Variants in KCTD16 observed in about 807,000 individuals in gnomAD.
The protein encoded by KCTD16 is BTB/POZ domain-containing protein KCTD16.
Under a neutral mutation model 33.2 loss-of-function variants are expected in KCTD16, and 13 were observed. That is an observed-to-expected ratio of 0.39 (90% CI 0.25 to 0.62). KCTD16 has a LOEUF of 0.62. Ranked by LOEUF, KCTD16 falls within the 20% of genes least tolerant of loss-of-function variation. KCTD16 has a pLI of 0.50. For synonymous variants in KCTD16, 197 were observed against 195.3 expected, an observed-to-expected ratio of 1.01 and a Z score of -0.07; for missense variants, 441 against 525.1, an observed-to-expected ratio of 0.84 and a Z score of 1.57.
At chr5:144,176,347 T>G (rs972541384) in intron 2 of KCTD16, among the ~76,000 whole-genome samples, 1 of 150,288 alleles carries the variant, frequency 6.7e-6, no homozygotes, top group Non-Finnish European at 1.5e-5. Context: ...CCCAGGCAAA[T>G]GAAATAATAG....
chr5:144,465,924 C>T (rs181251930), intron 3 of KCTD16, among the ~76,000 whole-genome samples: 4 of 151,984 alleles, frequency 2.6e-5, no homozygotes, highest in East Asian at 1.9e-4. Flanking sequence ...CTTCAACCTC[C>T]GCCTCCCGGG....
At chr5:144,179,628 T>G (rs1263725146) in intron 2 of KCTD16, among the ~76,000 whole-genome samples, 1 of 152,220 alleles carries the variant, frequency 6.6e-6, no homozygotes, top group African/African-American at 2.4e-5. Context: ...GAACAAGGGA[T>G]TTGATCAATT....
chr5:144,218,997 C>G (rs1393371419), intron 3 of KCTD16, among the ~76,000 whole-genome samples: 1 of 152,138 alleles, frequency 6.6e-6, no homozygotes, highest in Non-Finnish European at 1.5e-5. Context: ...TCAAACTCAT[C>G]TGGATAAAAG....
chr5:144,418,147 T>C (rs1285991849), intron 3 of KCTD16, among the ~76,000 whole-genome samples: 1 of 151,960 alleles, frequency 6.6e-6, no homozygotes, highest in East Asian at 1.9e-4. Flanking sequence ...GCTTCAGGAG[T>C]GAAGCTGAAG....
At chr5:144,333,476 T>C (rs1752406686) in intron 3 of KCTD16, among the ~76,000 whole-genome samples, 1 of 152,148 alleles carries the variant, frequency 6.6e-6, no homozygotes, top group Non-Finnish European at 1.5e-5. Flanking sequence ...TTATGTAGCC[T>C]GAGAGTGTGT....
chr5:144,367,416 A>G, intron 3 of KCTD16, among the ~76,000 whole-genome samples: 1 of 152,170 alleles, frequency 6.6e-6, no homozygotes, highest in East Asian at 1.9e-4. Flanking sequence ...TGTACCCTTA[A>G]CATTGTACGT....
intron 3 of KCTD16, among the ~76,000 whole-genome samples, chr5:144,305,564 C>T (rs1751582303): frequency 6.6e-6 from 1 of 152,124 alleles, no homozygotes; most frequent in African/African-American, 2.4e-5. Flanking sequence ...GCCTGTAATC[C>T]CAGCACCTTG....
At chr5:144,401,432 A>G (rs1016541026) in intron 3 of KCTD16, among the ~76,000 whole-genome samples, 1 of 152,182 alleles carries the variant, frequency 6.6e-6, no homozygotes, top group African/African-American at 2.4e-5. Flanking sequence ...ACATGCACAC[A>G]CATAAATGCA....
chr5:144,251,088 G>A (rs1485112729), intron 3 of KCTD16, among the ~76,000 whole-genome samples: 3 of 152,204 alleles, frequency 2.0e-5, no homozygotes, highest in Non-Finnish European at 2.9e-5. Flanking sequence ...GCCAGTCTCA[G>A]TTTGGCCAGA....
chr5:144,188,790 A>T (rs979701750), intron 2 of KCTD16, among the ~76,000 whole-genome samples: 2 of 152,236 alleles, frequency 1.3e-5, no homozygotes, highest in African/African-American at 4.8e-5. Flanking sequence ...CAAATGGGGC[A>T]TTGTAATATT....
chr5:144,381,750 T>A (rs1453101103), intron 3 of KCTD16, among the ~76,000 whole-genome samples: 1 of 152,130 alleles, frequency 6.6e-6, no homozygotes, highest in African/African-American at 2.4e-5. Flanking sequence ...ACCTCCAGCA[T>A]TGGAAATGAC....
intron 3 of KCTD16, among the ~76,000 whole-genome samples, chr5:144,436,506 G>T (rs1753581669): frequency 6.6e-6 from 1 of 152,090 alleles, no homozygotes; most frequent in African/African-American, 2.4e-5. Flanking sequence ...ATAGCAGGTA[G>T]TTGGAGACTA....
rs371767006 is a variant in KCTD16 at position 144,474,002 on chromosome 5, A to C, written c.1175A>C (p.Glu392Ala). ...GCTGTTAAAGAAAAGCTCTCAATTG[A>C]GGAGGAGCTGGAGAAATGTATCCAG... ...KKAVKEKLSI[E>A]EELEKCIQDF... Residue 392 changes from glutamate to alanine, a missense_variant, in exon 4 of 4, where the codon GAG becomes GCG. By Grantham distance (107) the Glu-to-Ala change is moderately radical. Coordinates refer to ENST00000512467, the MANE Select transcript of KCTD16 (RefSeq NM_020768.4). 6.2e-7 allele frequency: 1 copy of C among 1,614,116 alleles called. No homozygotes were observed. Among genetic ancestry groups the C allele is most frequent in the Admixed American group, 1.7e-5 (1 of 60,018 alleles).
At chr5:144,269,340 A>T (rs905534298) in intron 3 of KCTD16, among the ~76,000 whole-genome samples, 1 of 152,058 alleles carries the variant, frequency 6.6e-6, no homozygotes, top group Non-Finnish European at 1.5e-5. Context: ...TTTTGAAAGC[A>T]AGAAAGAAGC....
chr5:144,443,964 T>A (rs570013440), intron 3 of KCTD16, among the ~76,000 whole-genome samples: 4 of 152,180 alleles, frequency 2.6e-5, no homozygotes, highest in Admixed American at 2.6e-4. Context: ...ACTTTGGTAA[T>A]TTTTGATAAC....
rs1243483658 is a variant in KCTD16 at position 144,375,812 on chromosome 5, T to C, written c.833-97848T>C. Among the ~76,000 whole-genome samples, 5 of 152,034 alleles carry C rather than the reference T, an allele frequency of 3.3e-5. No homozygotes were observed. The East Asian group carries it at 5.8e-4, about 18-fold the overall frequency. ...CCTTCCCTTCCTTCCCTGCCTCCCT[T>C]CCTTCCTTCCTTCCTTTCTTTTTTG... On this transcript the variant is annotated intron_variant, in intron 3 of 3. Coordinates refer to ENST00000512467, the MANE Select transcript of KCTD16 (RefSeq NM_020768.4).
intron 3 of KCTD16, among the ~76,000 whole-genome samples, chr5:144,397,103 G>C (rs1347330958): frequency 8.4e-6 from 1 of 119,714 alleles, no homozygotes; most frequent in Non-Finnish European, 1.6e-5. Context: ...GCCCCACTGT[G>C]TGATGTTCCC....
chr5:144,292,294 A>T (rs1234833869), intron 3 of KCTD16, among the ~76,000 whole-genome samples: 1 of 152,200 alleles, frequency 6.6e-6, no homozygotes, highest in Non-Finnish European at 1.5e-5. Flanking sequence ...TGGAGGACTG[A>T]GTAACCCAGG....
intron 3 of KCTD16, among the ~76,000 whole-genome samples, chr5:144,417,429 T>C (rs1252848700): frequency 6.6e-6 from 1 of 152,150 alleles, no homozygotes; most frequent in Non-Finnish European, 1.5e-5. Context: ...TTTGGAGAAA[T>C]GTCTAGTGAA....
Sources: gnomAD v4.1 joint callset for allele counts (sites outside exome capture counted in the v4.1 genomes callset) on GRCh38, gnomAD v4.1.1 for gene constraint, MANE v1.5 for transcripts, NCBI Gene and HGNC (gene_info 2026-07-23, HGNC 2026-07-21) for gene names.